ARHGAP28: variants seen among roughly 807,000 people sequenced by gnomAD.
The protein encoded by ARHGAP28 is Rho GTPase activating protein 28.
A neutral mutation model predicts 90.7 loss-of-function variants in ARHGAP28; 56 were observed. The observed-to-expected ratio is 0.62, with a 90% CI of 0.50 to 0.77. ARHGAP28 has a LOEUF of 0.77. ARHGAP28 is among the 30% of genes least tolerant of loss of function. ARHGAP28 has a pLI of 0.00. For missense variants in ARHGAP28, 869 were observed against 900.9 expected (o/e 0.96, Z 0.45); for synonymous variants, 308 against 323.3 (o/e 0.95, Z 0.51).
At chr18:6,891,269 G>C (rs939865559) in intron 14 of ARHGAP28, among the ~76,000 whole-genome samples, 1 of 152,132 alleles carries the variant, frequency 6.6e-6, no homozygotes, top group African/African-American at 2.4e-5. Flanking sequence ...GTGCTCTAGC[G>C]TGGGAGACTG....
At chr18:6,804,827 T>C (rs2056506608) in intron 1 of ARHGAP28, among the ~76,000 whole-genome samples, 1 of 152,264 alleles carries the variant, frequency 6.6e-6, no homozygotes, top group African/African-American at 2.4e-5. Flanking sequence ...GACTAAATAG[T>C]ATCTATATTG....
rs527774237 is a variant in ARHGAP28 at position 6,873,878 on chromosome 18, A to G, written c.1212+103A>G. On this transcript the variant is annotated intron_variant, in intron 9 of 17. Transcript: ENST00000383472. ...ATTTTCTTTTATATTTAAAGACACT[A>G]TCGCCCTATTAGGACTCAGGCCCCT... The G allele has an allele frequency of 1.1e-4, 110 of 1,007,648 alleles. No individual in the cohort carries two copies. The African/African-American group carries it at 1.6e-3, about 14-fold the overall frequency. 62.4% of individuals were successfully genotyped at this position (1,007,648 alleles called of 1,614,324 possible).
intron 1 of ARHGAP28, among the ~76,000 whole-genome samples, chr18:6,822,232 C>CT (rs1232707433): frequency 1.3e-5 from 2 of 151,960 alleles, no homozygotes; most frequent in African/African-American, 2.4e-5. Flanking sequence ...TTAAGACTGT[C>CT]TTTTTTTAAT....
At chr18:6,839,418 C>G (rs539949613) in intron 3 of ARHGAP28, among the ~76,000 whole-genome samples, 1 of 151,908 alleles carries the variant, frequency 6.6e-6, no homozygotes, top group African/African-American at 2.4e-5. Context: ...CTCAGCCTCC[C>G]GAGTAACTGG....
At chr18:6,821,270 T>C (rs900730310) in intron 1 of ARHGAP28, among the ~76,000 whole-genome samples, 1 of 152,226 alleles carries the variant, frequency 6.6e-6, no homozygotes, top group African/African-American at 2.4e-5. Flanking sequence ...TAAAATCTTT[T>C]CTTAATGCCA....
At chr18:6,843,328 G>C (rs2056842211) in intron 3 of ARHGAP28, among the ~76,000 whole-genome samples, 1 of 152,108 alleles carries the variant, frequency 6.6e-6, no homozygotes. Flanking sequence ...GGAAGGGTCT[G>C]CCTGGCCTCT....
intron 1 of ARHGAP28, among the ~76,000 whole-genome samples, chr18:6,754,026 G>A (rs1448719938): frequency 6.6e-6 from 1 of 152,120 alleles, no homozygotes; most frequent in Non-Finnish European, 1.5e-5. Flanking sequence ...TATTTCATTT[G>A]TTCTTAAAGT....
At chr18:6,768,887 C>G (rs1438261119) in intron 1 of ARHGAP28, among the ~76,000 whole-genome samples, 1 of 152,114 alleles carries the variant, frequency 6.6e-6, no homozygotes, top group Admixed American at 6.6e-5. Context: ...TTCCCTTTCT[C>G]TCAGGCATCA....
intron 7 of ARHGAP28, 130 bp downstream of exon 7, chr18:6,870,862 GC>G (rs1271500343): frequency 1.6e-5 from 15 of 920,202 alleles, no homozygotes; most frequent in East Asian, 6.2e-5. Flanking sequence ...GTGCAGTGGC[GC>G]GATCTCGGCT....
At chr18:6,834,233 TAATATA>T (rs2143838086) in intron 2 of ARHGAP28, among the ~76,000 whole-genome samples, 1 of 152,008 alleles carries the variant, frequency 6.6e-6, no homozygotes, top group East Asian at 1.9e-4. Context: ...ATTAATGAAA[TAATATA>T]AATATATTTG....
intron 1 of ARHGAP28, among the ~76,000 whole-genome samples, chr18:6,764,236 G>A (rs535935909): frequency 6.6e-6 from 1 of 152,228 alleles, no homozygotes; most frequent in South Asian, 2.1e-4. Context: ...ACAATCCAGG[G>A]TGCATGAATA....
chr18:6,870,848 T>C (rs1358973997), intron 7 of ARHGAP28, 116 bp downstream of exon 7: 7 of 1,097,566 alleles, frequency 6.4e-6, no homozygotes, highest in African/African-American at 3.2e-5. Flanking sequence ...TGCCCCAGGC[T>C]GGAGTGCAGT....
intron 1 of ARHGAP28, among the ~76,000 whole-genome samples, chr18:6,793,775 C>T (rs1368129024): frequency 6.6e-6 from 1 of 151,510 alleles, no homozygotes; most frequent in Non-Finnish European, 1.5e-5. Context: ...CCCGTGAAGG[C>T]TAAGGGTAGT....
chr18:6,907,143 A>G (rs1319789571), intron 16 of ARHGAP28, among the ~76,000 whole-genome samples: 1 of 152,230 alleles, frequency 6.6e-6, no homozygotes, highest in Non-Finnish European at 1.5e-5. Flanking sequence ...TAAAATAAAA[A>G]ATAGTGACAA....
At chr18:6,848,101 A>G (rs1456415146) in intron 3 of ARHGAP28, among the ~76,000 whole-genome samples, 1 of 152,156 alleles carries the variant, frequency 6.6e-6, no homozygotes, top group African/African-American at 2.4e-5. Context: ...GGTGTTCAGT[A>G]TAAGTCATAT....
chr18:6,787,012 G>A (rs1252234283), intron 1 of ARHGAP28, among the ~76,000 whole-genome samples: 2 of 151,964 alleles, frequency 1.3e-5, no homozygotes, highest in African/African-American at 2.4e-5. Flanking sequence ...CTGAGGTCAG[G>A]AGTTTGAGAC....
chr18:6,730,171 T>C (rs955170776), intron 1 of ARHGAP28: 4 of 352,298 alleles, frequency 1.1e-5, no homozygotes, highest in Non-Finnish European at 2.0e-5. Flanking sequence ...TAGCAGAGAT[T>C]AGCAAGCAGC....
Position 6,873,569 on chromosome 18 carries a change from G to C in ARHGAP28, c.1115G>C (p.Gly372Ala), listed in dbSNP as rs1567977951. Residue 372 changes from glycine (G) to alanine (A), a missense_variant, in exon 8 of 18, where the codon GGA becomes GCA. Gly to Ala is a moderately conservative substitution (Grantham distance 60). Coordinates refer to ENST00000383472, the MANE Select transcript of ARHGAP28 (RefSeq NM_001366230.1). ...AGGAACAAAACAGAGAAAGTAAAAG[G>C]ACGAGGTAACTAAGAAGACTGATTG... The part of the protein sequence containing the change: ...LKRNKTEKVK[G>A]RDNGIFGVPL... 1 of 1,613,316 alleles carries C rather than the reference G, an allele frequency of 6.2e-7. No homozygotes were observed. Among genetic ancestry groups the C allele is most frequent in the South Asian group, 1.1e-5 (1 of 90,742 alleles).
chr18:6,797,980 C>T (rs950811515), intron 1 of ARHGAP28, among the ~76,000 whole-genome samples: 1 of 151,946 alleles, frequency 6.6e-6, no homozygotes, highest in African/African-American at 2.4e-5. Flanking sequence ...TTTTTAAACA[C>T]ATTTTTAAAA....
Sources: gnomAD v4.1 joint callset for allele counts (sites outside exome capture counted in the v4.1 genomes callset) on GRCh38, gnomAD v4.1.1 for gene constraint, MANE v1.5 for transcripts, NCBI Gene and HGNC (gene_info 2026-07-23, HGNC 2026-07-21) for gene names.